MACROD2: variants seen among roughly 807,000 people sequenced by gnomAD.
MACROD2 encodes the protein ADP-ribose glycohydrolase MACROD2.
A neutral mutation model predicts 70.4 loss-of-function variants in MACROD2; 36 were observed. The ratio of observed to expected loss-of-function variants is 0.51; its 90% CI spans 0.39 to 0.68. The LOEUF is 0.68. MACROD2 is among the 30% of genes least tolerant of loss of function. MACROD2 has a pLI of 0.00. For missense variants in MACROD2, 496 were observed against 538.4 expected (o/e 0.92, Z 0.78); for synonymous variants, 172 against 178.8 (o/e 0.96, Z 0.30).
intron 15 of MACROD2, 86 bp downstream of exon 15, chr20:15,987,244 T>C (rs907719319): frequency 1.8e-6 from 2 of 1,103,916 alleles, no homozygotes; most frequent in African/African-American, 3.2e-5. Context: ...GTTATTCTCA[T>C]GCAATTACAG....
chr20:15,106,851 G>A (rs2075914526), intron 5 of MACROD2, among the ~76,000 whole-genome samples: 1 of 151,482 alleles, frequency 6.6e-6, no homozygotes, highest in South Asian at 2.1e-4. Context: ...TAGATATTTG[G>A]TATAGCAACA....
chr20:14,317,440 A>G (rs1013674800), intron 3 of MACROD2, among the ~76,000 whole-genome samples: 1 of 152,030 alleles, frequency 6.6e-6, no homozygotes, highest in Non-Finnish European at 1.5e-5. Context: ...CAACATGGTG[A>G]AACCCCTCTA....
chr20:15,631,699 G>T (rs1481758494), intron 8 of MACROD2, among the ~76,000 whole-genome samples: 6 of 152,198 alleles, frequency 3.9e-5, no homozygotes, highest in African/African-American at 1.4e-4. Flanking sequence ...ACCAAGAGTG[G>T]CTGGAAAAGG....
At chr20:14,013,275 T>TTC (rs1231823493) in intron 2 of MACROD2, among the ~76,000 whole-genome samples, 1 of 146,848 alleles carries the variant, frequency 6.8e-6, no homozygotes, top group African/African-American at 2.5e-5. Flanking sequence ...TGTACTTTCT[T>TTC]TTTTTTTTTT....
chr20:14,419,009 CT>C (rs1303023153), intron 3 of MACROD2, among the ~76,000 whole-genome samples: 1 of 151,862 alleles, frequency 6.6e-6, no homozygotes, highest in East Asian at 1.9e-4. Context: ...CCCAGAAATT[CT>C]CGTGACTTTC....
At chr20:15,722,741 G>A (rs2050804303) in intron 8 of MACROD2, among the ~76,000 whole-genome samples, 1 of 151,674 alleles carries the variant, frequency 6.6e-6, no homozygotes, top group Admixed American at 6.6e-5. Flanking sequence ...TAATAAAATT[G>A]ACATAATCCA....
chr20:15,407,573 G>A (rs2046020702), intron 6 of MACROD2, among the ~76,000 whole-genome samples: 1 of 152,184 alleles, frequency 6.6e-6, no homozygotes, highest in Non-Finnish European at 1.5e-5. Context: ...TAGAGAGGCA[G>A]CCTAGCACGG....
intron 3 of MACROD2, among the ~76,000 whole-genome samples, chr20:14,132,324 A>G (rs1452001836): frequency 2.6e-5 from 4 of 152,002 alleles, no homozygotes; most frequent in Non-Finnish European, 5.9e-5. Flanking sequence ...TTGGGCATAC[A>G]GGCACGAGCC....
chr20:15,047,212 G>A (rs748625922), intron 5 of MACROD2, among the ~76,000 whole-genome samples: 1 of 152,194 alleles, frequency 6.6e-6, no homozygotes, highest in Non-Finnish European at 1.5e-5. Context: ...TTAAGAGCCT[G>A]TGAATGTTTG....
At chr20:15,232,625 A>G (rs1368269130) in intron 6 of MACROD2, among the ~76,000 whole-genome samples, 1 of 152,088 alleles carries the variant, frequency 6.6e-6, no homozygotes, top group East Asian at 1.9e-4. Context: ...TGTTACTTCA[A>G]ATATAAGATG....
Position 15,696,208 on chromosome 20 carries a change from G to T in MACROD2, c.646-166537G>T, listed in dbSNP as rs181957144. Among the ~76,000 whole-genome samples, 210 of 152,240 alleles carry T rather than the reference G, an allele frequency of 1.4e-3. 1 individual carries two copies. The highest frequency in any genetic ancestry group is 2.6e-3 in the Non-Finnish European group (174 of 68,004). On this transcript the variant is annotated intron_variant, in intron 8 of 17. Transcript: ENST00000684519. ...CATAGATGGCTTTTATTACATGAAG[G>T]TATGTCCCTTGTATGCCAATTTTGC...
chr20:14,072,929 G>A (rs184849185), intron 2 of MACROD2, among the ~76,000 whole-genome samples: 22 of 136,636 alleles, frequency 1.6e-4, no homozygotes, highest in African/African-American at 5.0e-4. Flanking sequence ...GCGAGACTCC[G>A]TCTAGAAAAA....
intron 6 of MACROD2, among the ~76,000 whole-genome samples, chr20:15,338,146 CTCTT>C (rs1253587671): frequency 6.6e-6 from 1 of 151,572 alleles, no homozygotes; most frequent in Non-Finnish European, 1.5e-5. Context: ...ATCTGCCTCT[CTCTT>C]CTCTTCTCCT....
At chr20:15,334,432 G>C (rs2078026367) in intron 6 of MACROD2, among the ~76,000 whole-genome samples, 1 of 151,668 alleles carries the variant, frequency 6.6e-6, no homozygotes, top group South Asian at 2.1e-4. Context: ...TTTGGAGCCA[G>C]ACAAGGTAGT....
chr20:14,454,971 C>T (rs958501241), intron 3 of MACROD2, among the ~76,000 whole-genome samples: 6 of 152,014 alleles, frequency 3.9e-5, no homozygotes, highest in African/African-American at 1.5e-4. Flanking sequence ...CCAGGATGGT[C>T]TCGATCTCCT....
At chr20:15,211,064 T>TA (rs1034618767) in intron 5 of MACROD2, among the ~76,000 whole-genome samples, 1 of 152,320 alleles carries the variant, frequency 6.6e-6, no homozygotes, top group East Asian at 1.9e-4. Context: ...TTTGTTGCCT[T>TA]AAAAAAGATT....
At chr20:15,387,306 A>G (rs926831804) in intron 6 of MACROD2, among the ~76,000 whole-genome samples, 4 of 151,962 alleles carry the variant, frequency 2.6e-5, no homozygotes, top group African/African-American at 7.3e-5. Context: ...CATATATTCT[A>G]CTTTCTTCCC....
intron 4 of MACROD2, among the ~76,000 whole-genome samples, chr20:14,547,790 A>G (rs1978365815): frequency 6.6e-6 from 1 of 152,116 alleles, no homozygotes; most frequent in East Asian, 1.9e-4. Flanking sequence ...ACCTGAGGTC[A>G]CTCATACAGT....
chr20:14,550,611 C>G (rs987093846), intron 4 of MACROD2, among the ~76,000 whole-genome samples: 2 of 152,166 alleles, frequency 1.3e-5, no homozygotes, highest in Admixed American at 1.3e-4. Context: ...AAATTTCCCC[C>G]TCCTACTAAA....
Sources: allele counts gnomAD v4.1 joint callset (sites outside exome capture counted in the v4.1 genomes callset), GRCh38; gene constraint gnomAD v4.1.1; transcripts MANE v1.5; gene names NCBI Gene and HGNC (gene_info 2026-07-23, HGNC 2026-07-21).